Variants in ERMP1 observed in about 807,000 individuals in gnomAD.
The protein encoded by ERMP1 is Felix-ina.
In ERMP1, 86 loss-of-function variants were observed where a neutral mutation model predicts 92.0. The observed-to-expected ratio is 0.93, with a 90% confidence interval of 0.79 to 1.12. The LOEUF is 1.12. ERMP1 is among the 50% of genes most tolerant of loss of function. The pLI is 0.00. For missense variants in ERMP1, 1,342 were observed against 1,116.3 expected, an observed-to-expected ratio of 1.20 and a Z score of -2.88; for synonymous variants, 530 against 412.8, an observed-to-expected ratio of 1.28 and a Z score of -3.44.
intron 6 of ERMP1, among the ~76,000 whole-genome samples, chr9:5,852,778 G>A (rs1433609908): frequency 6.6e-6 from 1 of 151,892 alleles, no homozygotes; most frequent in Non-Finnish European, 1.5e-5. Context: ...TTTGAAATCA[G>A]GGAAGATATA....
chr9:5,823,353 G>A (rs1465975689), intron 4 of ERMP1, among the ~76,000 whole-genome samples: 1 of 152,020 alleles, frequency 6.6e-6, no homozygotes, highest in Non-Finnish European at 1.5e-5. Flanking sequence ...CTAAATCAAT[G>A]ATAAATTTAA....
rs1827955014 is a variant in ERMP1 at position 5,786,750 on chromosome 9, C to T, written c.*394G>A. The T allele has an allele frequency of 6.0e-6, 1 of 167,072 alleles. No homozygotes were observed. The highest frequency in any genetic ancestry group is 1.3e-5 in the Non-Finnish European group (1 of 76,596). The allele number at this position is 167,072 out of a possible 1,614,324, so 10.3% of individuals were successfully genotyped here. On this transcript the variant is annotated 3_prime_UTR_variant, in exon 15 of 15. Transcript: ENST00000339450. ...TTTTACCCACCATCCACTAATACAACAAATGGTTTTGGGGCTTAAATTGGA... is the reference window on the plus strand; with the variant it reads ...TTTTACCCACCATCCACTAATACAATAAATGGTTTTGGGGCTTAAATTGGA...
At chr9:5,856,306 C>A in intron 6 of ERMP1, 1 of 247,724 alleles carries the variant, frequency 4.0e-6, no homozygotes, top group Non-Finnish European at 8.3e-6. Flanking sequence ...ATGTCAGTAA[C>A]TTCGGTGTTG....
rs1271463989 is a variant in ERMP1 at position 5,830,853 on chromosome 9, A to T, written c.514T>A (p.Phe172Ile). 1 of 1,614,146 alleles carries T rather than the reference A, an allele frequency of 6.2e-7. No individual in the cohort carries two copies. The highest frequency in any genetic ancestry group is 8.5e-7 in the Non-Finnish European group (1 of 1,180,014). Reference protein sequence around the residue: ...QRPTGSFSIDFLGGFTSYYDN... With the variant: ...QRPTGSFSIDILGGFTSYYDN... ...TAATAGCTTGTAAAACCTCCCAAGA[A>T]ATCAATGCTAAAAGAGCCTGTGGGC... Residue 172 changes from phenylalanine (F) to isoleucine (I), a missense_variant, in exon 2 of 15, where the codon TTC becomes ATC. Physicochemically the swap from Phe to Ile is conservative, Grantham distance 21. Coordinates refer to ENST00000339450, the MANE Select transcript of ERMP1 (RefSeq NM_024896.3).
chr9:5,856,430 C>T, intron 6 of ERMP1: 1 of 169,024 alleles, frequency 5.9e-6, no homozygotes. Flanking sequence ...AAGCCATTGC[C>T]TTTGGGAGGA....
chr9:5,856,172 T>C (rs1440788146), intron 6 of ERMP1: 2 of 300,156 alleles, frequency 6.7e-6, no homozygotes, highest in Non-Finnish European at 6.8e-6. Context: ...TGGTTTGTCC[T>C]AAAGTCCTCA....
At position 5,787,503 on chromosome 9, in the gene ERMP1, T is replaced by C. The variant is rs780445945; in HGVS notation, c.2477A>G (p.Lys826Arg). Residue 826 changes from lysine to arginine, a missense_variant, in exon 14 of 15, where the codon AAA (lysine) becomes AGA (arginine). Lys to Arg is a conservative substitution (Grantham distance 26). Coordinates refer to ENST00000339450, the MANE Select transcript of ERMP1 (RefSeq NM_024896.3). ...GTAAAAGACAAAGTAGTCTCCTCCT[T>C]TACTTGTGACTGGGGTGCCATTGCC... ...SLGNGTPVTSKGGDYFVFYSH... is the reference protein window; with the variant it reads ...SLGNGTPVTSRGGDYFVFYSH... The C allele has an allele frequency of 6.8e-6, 11 of 1,614,134 alleles. No homozygotes were observed. The highest frequency in any genetic ancestry group is 2.2e-5 in the East Asian group (1 of 44,882).
At chr9:5,843,078 T>C (rs1001551037) in intron 6 of ERMP1, among the ~76,000 whole-genome samples, 3 of 152,176 alleles carry the variant, frequency 2.0e-5, no homozygotes, top group African/African-American at 7.2e-5. Flanking sequence ...AGCAAGGTAA[T>C]TGGGACTTAT....
chr9:5,829,869 A>G (rs1247510021), intron 2 of ERMP1, among the ~76,000 whole-genome samples: 1 of 152,210 alleles, frequency 6.6e-6, no homozygotes, highest in Non-Finnish European at 1.5e-5. Flanking sequence ...CCTATTTACA[A>G]TCCCTTTAAC....
chr9:5,792,107 G>A (rs1160233088), intron 13 of ERMP1, among the ~76,000 whole-genome samples: 1 of 152,212 alleles, frequency 6.6e-6, no homozygotes, highest in Non-Finnish European at 1.5e-5. Flanking sequence ...TGTGTTGGGT[G>A]CAAATAAGGG....
At chr9:5,808,415 A>G (rs1157797526) in intron 8 of ERMP1, among the ~76,000 whole-genome samples, 1 of 152,248 alleles carries the variant, frequency 6.6e-6, no homozygotes. Flanking sequence ...TAAGATAAAA[A>G]TATGAGCTCA....
At position 5,801,299 on chromosome 9, in the gene ERMP1, T is replaced by G. The variant is rs151311353; in HGVS notation, c.1944A>C (p.Thr648=). 1.1e-5 allele frequency: 18 copies of G among 1,613,082 alleles called. No homozygotes were observed. Among genetic ancestry groups the G allele is most frequent in the African/African-American group, 2.7e-5 (2 of 74,880 alleles). ...AAGTTAAAGTTAGCATGGTTTTTTT[T>G]GTGCTCTTGGCAAGGTAGATGAAGT... ...FINFIYLAKS[T]KKTMLTLTLV... is the part of the protein sequence containing the mutation. The change falls in exon 11 of 15, where the codon ACA becomes ACC. Residue 648 remains threonine (T), a synonymous_variant. Transcript: ENST00000339450.
At chr9:5,853,022 C>T (rs906403614) in intron 6 of ERMP1, among the ~76,000 whole-genome samples, 30 of 152,130 alleles carry the variant, frequency 2.0e-4, no homozygotes, top group African/African-American at 6.5e-4. Context: ...GAAAAAGCAT[C>T]TATTTTATGG....
intron 1 of ERMP1, 48 bp from the exon 2 acceptor site, chr9:5,831,076 C>T (rs368097208): frequency 4.6e-6 from 7 of 1,512,238 alleles, no homozygotes; most frequent in Non-Finnish European, 5.4e-6. Context: ...AAAATTGACA[C>T]TTAGCGTGGG....
At position 5,833,070 on chromosome 9, in the gene ERMP1, A is replaced by T; in HGVS notation, c.-43T>A. The T allele has an allele frequency of 7.2e-7, 1 of 1,385,032 alleles. No individual in the cohort carries two copies. The highest frequency in any genetic ancestry group is 9.3e-7 in the Non-Finnish European group (1 of 1,069,810). The allele number at this position is 1,385,032 out of a possible 1,614,324, so 85.8% of individuals were successfully genotyped here. On this transcript the variant is annotated 5_prime_UTR_variant, in exon 1 of 15. Coordinates refer to ENST00000339450, the MANE Select transcript of ERMP1 (RefSeq NM_024896.3). ...GCCAGCCCAACCGCCCCAACCCGCG[A>T]CAGCCCCGGCCGCCGCCGACGCCGC...
At chr9:5,814,871 A>C (rs952481269) in intron 4 of ERMP1, among the ~76,000 whole-genome samples, 3 of 152,258 alleles carry the variant, frequency 2.0e-5, no homozygotes, top group Admixed American at 2.0e-4. Context: ...AAAAACACAG[A>C]TATCAGTAAT....
At chr9:5,852,476 G>A (rs892324317) in intron 6 of ERMP1, among the ~76,000 whole-genome samples, 8 of 151,634 alleles carry the variant, frequency 5.3e-5, no homozygotes, top group South Asian at 2.1e-4. Flanking sequence ...GGCTGGTCTC[G>A]AACTCCTGGG....
chr9:5,831,486 T>C (rs1829937557), intron 1 of ERMP1, among the ~76,000 whole-genome samples: 1 of 152,218 alleles, frequency 6.6e-6, no homozygotes, highest in Non-Finnish European at 1.5e-5. Flanking sequence ...TATCCGCCTG[T>C]AGTCCCAGCT....
intron 4 of ERMP1, among the ~76,000 whole-genome samples, chr9:5,813,713 A>C (rs1027043789): frequency 5.3e-5 from 8 of 151,866 alleles, no homozygotes; most frequent in Non-Finnish European, 1.0e-4. Context: ...ACTGCTTAAC[A>C]TTTCACTGAA....
Sources: allele counts gnomAD v4.1 joint callset (sites outside exome capture counted in the v4.1 genomes callset), GRCh38; gene constraint gnomAD v4.1.1; transcripts MANE v1.5; gene names NCBI Gene and HGNC (gene_info 2026-07-23, HGNC 2026-07-21).